The following ZFR2 variants were observed in gnomAD, a reference collection of about 807,000 sequenced individuals.
ZFR2 encodes the protein zinc finger RNA-binding protein 2.
Under a neutral mutation model 105.7 loss-of-function variants are expected in ZFR2, and 104 were observed. The ratio of observed to expected loss-of-function variants is 0.98; its 90% CI spans 0.84 to 1.16. ZFR2 has a LOEUF of 1.16. Ranked by LOEUF, ZFR2 falls within the 50% of genes most tolerant of loss-of-function variation. The pLI is 0.00. For synonymous variants in ZFR2, 634 were observed against 597.7 expected (o/e 1.06, Z -0.89); for missense variants, 1,425 against 1,355.5 (o/e 1.05, Z -0.80).
At chr19:3,853,343 C>G (rs2038262129) in intron 1 of ZFR2, among the ~76,000 whole-genome samples, 1 of 152,174 alleles carries the variant, frequency 6.6e-6, no homozygotes, top group Non-Finnish European at 1.5e-5. Context: ...GGCCTCCCGC[C>G]CTGCCCTGAT....
At chr19:3,806,514 C>T (rs929415494) in intron 18 of ZFR2, among the ~76,000 whole-genome samples, 4 of 152,380 alleles carry the variant, frequency 2.6e-5, no homozygotes, top group Middle Eastern at 6.8e-3. Context: ...CCCGCCTCGG[C>T]TTCCCAAAGT....
Position 3,831,333 on chromosome 19 carries a change from G to C in ZFR2, c.822C>G (p.Asp274Glu), listed in dbSNP as rs777069528. 1.9e-6 allele frequency: 3 copies of C among 1,554,854 alleles called. No individual in the cohort carries two copies. The highest frequency in any genetic ancestry group is 1.7e-6 in the Non-Finnish European group (2 of 1,151,416). ...GPRQLQLHYCDICKISCAGPQ... is the reference protein window; with the variant it reads ...GPRQLQLHYCEICKISCAGPQ... ...GGCCAGCGCAGCTGATCTTGCAGAT[G>C]TCGCAGTAGTGAAGCTGGAGCTGCC... is the stretch of plus-strand genomic sequence containing the variant. The change falls in exon 5 of 19, where the codon GAC becomes GAG. Residue 274 changes from aspartate (D) to glutamate (E), a missense_variant. Transcript: ENST00000262961.
chr19:3,857,698 A>AG (rs1464928362), intron 1 of ZFR2, among the ~76,000 whole-genome samples: 23 of 147,736 alleles, frequency 1.6e-4, no homozygotes, highest in Admixed American at 1.4e-3. Context: ...CCTGTCTCAA[A>AG]AAAAAAAAAA....
intron 17 of ZFR2, among the ~76,000 whole-genome samples, chr19:3,807,538 C>CA (rs2145128075): frequency 7.1e-6 from 1 of 141,210 alleles, no homozygotes; most frequent in African/African-American, 2.8e-5. Context: ...TGCACCCATG[C>CA]ATATACACAT....
intron 18 of ZFR2, among the ~76,000 whole-genome samples, chr19:3,806,877 G>A (rs1414866633): frequency 6.6e-6 from 1 of 152,244 alleles, no homozygotes; most frequent in Non-Finnish European, 1.5e-5. Flanking sequence ...CCACGGCTGG[G>A]CTTCTAGGAC....
chr19:3,855,558 T>G, intron 1 of ZFR2: 1 of 769,760 alleles, frequency 1.3e-6, no homozygotes. Flanking sequence ...TCCAGGAGGG[T>G]GCTGCGCGAT....
At chr19:3,846,616 TTTAC>T (rs1196802816) in intron 1 of ZFR2, among the ~76,000 whole-genome samples, 1 of 152,198 alleles carries the variant, frequency 6.6e-6, no homozygotes, top group Non-Finnish European at 1.5e-5. Flanking sequence ...AAAAAGACTG[TTTAC>T]TTGTTTGAAA....
chr19:3,825,247 G>T lies in ZFR2; in HGVS notation c.1196C>A (p.Ser399Ter). Residue 399 changes from serine to a stop codon, truncating the protein, a stop_gained, in exon 7 of 19, where the codon TCG becomes TAG. Coordinates refer to ENST00000262961, the MANE Select transcript of ZFR2 (RefSeq NM_015174.2). LOFTEE classifies it high-confidence loss of function. ...RPALAKRPVASKALCEGPPEP... is the reference protein window; with the variant it reads ...RPALAKRPVA ...ACACGTACCCTCGCATAAGGCCTTC[G>T]AGGCCACGGGTCTCTTGGCCAGCGC... 1 of 1,546,290 alleles carries T rather than the reference G, an allele frequency of 6.5e-7. No homozygotes were observed.
chr19:3,832,012 C>G, intron 3 of ZFR2, 134 bp from the exon 4 acceptor site: 1 of 671,630 alleles, frequency 1.5e-6, no homozygotes, highest in Non-Finnish European at 2.2e-6. Flanking sequence ...AGCCTTGGGC[C>G]AGGTGCTGGC....
rs2145137278 is a variant in ZFR2 at position 3,813,852 on chromosome 19, G to C, written c.2210C>G (p.Pro737Arg). ...RMQVTISVTS[P>R]LMREDPSTDP... Reference sequence around the variant, plus strand: ...TGTGGAGGGGTCCTCCCGCATCAGAGGTGAGGTGACAGATATGGTGACCTG... The same window carrying C: ...TGTGGAGGGGTCCTCCCGCATCAGACGTGAGGTGACAGATATGGTGACCTG... The change falls in exon 14 of 19, where the codon CCT becomes CGT. Residue 737 changes from proline (P) to arginine (R), a missense_variant. Coordinates refer to ENST00000262961, the MANE Select transcript of ZFR2 (RefSeq NM_015174.2). The surrounding 1 kb of genome is among the most constrained non-coding windows in gnomAD (Gnocchi z 4.4). The C allele has an allele frequency of 3.7e-6, 6 of 1,613,924 alleles. No individual in the cohort carries two copies. The highest frequency in any genetic ancestry group is 2.2e-5 in the East Asian group (1 of 44,882).
rs2038288591 is a variant in ZFR2 at position 3,855,611 on chromosome 19, C to T, written c.53+13354G>A. The stretch of plus-strand genomic sequence containing the variant: ...GGTCAGCAAAATAATTCAACGCGAT[C>T]TGATGGTTCTCATGCCGCCGGGAAG... On this transcript the variant is annotated intron_variant, in intron 1 of 18. Coordinates refer to ENST00000262961, the MANE Select transcript of ZFR2 (RefSeq NM_015174.2). The T allele has an allele frequency of 2.8e-5, 13 of 460,632 alleles. No individual in the cohort carries two copies. In the East Asian group the frequency reaches 4.6e-4, roughly 16 times the overall value. 28.5% of individuals were successfully genotyped at this position (460,632 alleles called of 1,614,324 possible). A position where few individuals can be genotyped will look rare whatever the true frequency, so the allele number is the denominator to read the frequency against.
At chr19:3,852,472 A>G (rs2038250902) in intron 1 of ZFR2, 2 of 718,562 alleles carry the variant, frequency 2.8e-6, no homozygotes, top group East Asian at 2.7e-5. Flanking sequence ...GCAGGGTCCC[A>G]TAAGATGGAG....
chr19:3,863,501 C>T (rs1568435565), intron 1 of ZFR2, among the ~76,000 whole-genome samples: 1 of 152,120 alleles, frequency 6.6e-6, no homozygotes. Context: ...GATCATAGCT[C>T]AATGTAGCTT....
At chr19:3,807,892 C>T (rs2037717653) in intron 17 of ZFR2, among the ~76,000 whole-genome samples, 1 of 144,618 alleles carries the variant, frequency 6.9e-6, no homozygotes, top group South Asian at 2.2e-4. Context: ...CATGTGTGCC[C>T]GTGTGCACTC....
chr19:3,828,144 A>C, intron 5 of ZFR2, among the ~76,000 whole-genome samples: 1 of 140,442 alleles, frequency 7.1e-6, no homozygotes, highest in Non-Finnish European at 1.5e-5. Context: ...AGACGTCTCA[A>C]ATTTTTTTTT....
At chr19:3,826,766 G>A (rs1322932932) in intron 6 of ZFR2, among the ~76,000 whole-genome samples, 1 of 152,078 alleles carries the variant, frequency 6.6e-6, no homozygotes, top group African/African-American at 2.4e-5. Context: ...GGCCTCAGGA[G>A]AACAGTGATA....
chr19:3,862,040 G>T (rs2038379857), intron 1 of ZFR2, among the ~76,000 whole-genome samples: 1 of 152,092 alleles, frequency 6.6e-6, no homozygotes, highest in Non-Finnish European at 1.5e-5. Context: ...CAGGGCCTTT[G>T]TCCCATGACC....
intron 15 of ZFR2, 32 bp from the exon 16 acceptor site, chr19:3,810,877 G>T (rs1426307663): frequency 1.3e-6 from 2 of 1,548,248 alleles, no homozygotes; most frequent in Non-Finnish European, 1.7e-6. Context: ...TTAGCTTTCA[G>T]GGGCTCACGT....
At chr19:3,830,947 GCACA>G (rs1568424549) in intron 5 of ZFR2, among the ~76,000 whole-genome samples, 1 of 150,734 alleles carries the variant, frequency 6.6e-6, no homozygotes, top group Non-Finnish European at 1.5e-5. Flanking sequence ...GCATACATGC[GCACA>G]CATACACACA....
Sources: allele counts gnomAD v4.1 joint callset (sites outside exome capture counted in the v4.1 genomes callset), GRCh38; gene constraint gnomAD v4.1.1; non-coding constraint Gnocchi (gnomAD v3.1); transcripts MANE v1.5; gene names NCBI Gene and HGNC (gene_info 2026-07-23, HGNC 2026-07-21).